ELP1: variants seen among roughly 807,000 people sequenced by gnomAD.
ELP1 encodes the protein elongator complex protein 1.
In ELP1, 131 loss-of-function variants were observed where a neutral mutation model predicts 183.2. That is an observed-to-expected ratio of 0.72 (90% CI 0.62 to 0.83). The LOEUF is 0.83. Among genes scored for constraint, ELP1 ranks in the 40% least tolerant of loss-of-function variants. The pLI is 0.00. For synonymous variants in ELP1, 555 were observed against 569.0 expected, an observed-to-expected ratio of 0.98 and a Z score of 0.35; for missense variants, 1,550 against 1,594.9, an observed-to-expected ratio of 0.97 and a Z score of 0.48.
rs746406398 is a variant in ELP1 at position 108,901,409 on chromosome 9, T to C, written c.2014+16A>G. ...TGGAGAAGGGACCATTTCTGTTTTA[T>C]ACATTGAAAACTTACTTTTAAATGA... On this transcript the variant is annotated intron_variant, in intron 18 of 36. Coordinates refer to ENST00000374647, the MANE Select transcript of ELP1 (RefSeq NM_003640.5). The C allele has an allele frequency of 6.5e-7, 1 of 1,540,598 alleles. No individual in the cohort carries two copies. The highest frequency in any genetic ancestry group is 9.0e-7 in the Non-Finnish European group (1 of 1,113,232).
Position 108,901,620 on chromosome 9 carries a change from CT to C in ELP1, c.1908+7del. ...AAAAGGATCCAACACCAAACCAAGC[CT>C]TGATACCTCAATGTCATTGATGAAA... On this transcript the variant is annotated splice_region_variant and intron_variant, in intron 17 of 36. Transcript: ENST00000374647. 1 of 1,614,066 alleles carries C rather than the reference CT, an allele frequency of 6.2e-7. No homozygotes were observed. The highest frequency in any genetic ancestry group is 8.5e-7 in the Non-Finnish European group (1 of 1,179,912).
At chr9:108,895,539 G>A (rs1237278720) in intron 25 of ELP1, among the ~76,000 whole-genome samples, 4 of 150,664 alleles carry the variant, frequency 2.7e-5, no homozygotes, top group African/African-American at 1.0e-4. Context: ...CATGGGCAGA[G>A]GAAAAAAAGA....
chr9:108,889,486 A>G, intron 28 of ELP1, 93 bp from the exon 29 acceptor site: 1 of 1,160,036 alleles, frequency 8.6e-7, no homozygotes, highest in Non-Finnish European at 1.3e-6. Flanking sequence ...GTATGAAACT[A>G]TGTACTTTCT....
At chr9:108,875,029 T>A in intron 35 of ELP1, 59 bp from the exon 36 acceptor site, 1 of 1,140,046 alleles carries the variant, frequency 8.8e-7, no homozygotes, top group Non-Finnish European at 1.3e-6. Flanking sequence ...AGACTGCCAA[T>A]ACCAAAGGCC....
intron 10 of ELP1, among the ~76,000 whole-genome samples, chr9:108,914,144 G>A (rs1201599426): frequency 3.3e-5 from 5 of 152,076 alleles, no homozygotes; most frequent in Non-Finnish European, 7.4e-5. Context: ...GCTCACGCCT[G>A]TAATCCCAGC....
chr9:108,904,243 C>CCA (rs1828934198), intron 14 of ELP1, among the ~76,000 whole-genome samples: 1 of 125,190 alleles, frequency 8.0e-6, no homozygotes, highest in African/African-American at 2.7e-5. Context: ...TAAAATTTCA[C>CCA]TATTTTTTTT....
Position 108,906,787 on chromosome 9 carries a change from C to T in ELP1, c.1461-302G>A, listed in dbSNP as rs188891476. The stretch of plus-strand genomic sequence containing the variant: ...AGCCCTAGTCCCTACACTAATGAAC[C>T]CCAGAGCTTTTCCACTGCCATGACT... On this transcript the variant is annotated intron_variant, in intron 13 of 36. Coordinates refer to ENST00000374647, the MANE Select transcript of ELP1 (RefSeq NM_003640.5). Among the ~76,000 whole-genome samples, 83 of 152,232 alleles carry T rather than the reference C, an allele frequency of 5.5e-4. 3 individuals carry two copies. The highest frequency in any genetic ancestry group is 1.9e-3 in the African/African-American group (80 of 41,530).
chr9:108,878,561 G>A (rs1445714863), intron 34 of ELP1, 62 bp downstream of exon 34: 21 of 1,606,598 alleles, frequency 1.3e-5, no homozygotes, highest in Non-Finnish European at 1.6e-5. Context: ...AACTCTGCCT[G>A]TCTGTACTGC....
Position 108,923,057 on chromosome 9 carries a change from A to T in ELP1, c.467-130T>A, listed in dbSNP as rs552701713. ...TCTAACGCCTCTCAATAAATTGACC[A>T]GCAGTCAATATTTGAGAAACCTATG... On this transcript the variant is annotated intron_variant, in intron 5 of 36. Transcript: ENST00000374647. The T allele has an allele frequency of 4.2e-5, 32 of 758,826 alleles. No homozygotes were observed. In the African/African-American group the frequency reaches 5.3e-4, roughly 12 times the overall value. 47.0% of individuals were successfully genotyped at this position (758,826 alleles called of 1,614,324 possible).
chr9:108,891,192 A>C lies in ELP1; in HGVS notation c.3160+11T>G. 6.2e-7 allele frequency: 1 copy of C among 1,613,496 alleles called. No homozygotes were observed. Among genetic ancestry groups the C allele is most frequent in the Non-Finnish European group, 8.5e-7 (1 of 1,179,374 alleles). Reference sequence around the variant, plus strand: ...CTTTGTAGATGTAAACATATAAATGATTGTACTTACCTGCCAGAGTTCTGC... The same window carrying C: ...CTTTGTAGATGTAAACATATAAATGCTTGTACTTACCTGCCAGAGTTCTGC... On this transcript the variant is annotated intron_variant, in intron 28 of 36. Transcript: ENST00000374647.
chr9:108,933,635 T>G (rs1054356872), intron 1 of ELP1, among the ~76,000 whole-genome samples: 1 of 152,234 alleles, frequency 6.6e-6, no homozygotes, highest in African/African-American at 2.4e-5. Context: ...CTGGGTTAAG[T>G]CCGGCTGGAG....
intron 3 of ELP1, 146 bp from the exon 4 acceptor site, chr9:108,927,599 GCT>G (rs1051280089): frequency 4.2e-6 from 3 of 715,410 alleles, no homozygotes; most frequent in African/African-American, 3.5e-5. Context: ...GTTTGTTGCA[GCT>G]CTGTTCACAA....
At position 108,874,883 on chromosome 9, in the gene ELP1, A is replaced by C. The variant is rs753943169; in HGVS notation, c.3931+12T>G. ...CTTAGTATTGTAATATTAAATGAGA[A>C]AAAATACTAACCAAGAACAGGAACC... On this transcript the variant is annotated intron_variant, in intron 36 of 36. Transcript: ENST00000374647. 1 of 1,566,826 alleles carries C rather than the reference A, an allele frequency of 6.4e-7. No homozygotes were observed. Among genetic ancestry groups the C allele is most frequent in the Admixed American group, 1.7e-5 (1 of 59,954 alleles).
chr9:108,882,087 T>C lies in ELP1; in HGVS notation c.3285+38A>G. ...GGAATCCCTTGCTTGCTCTCTCTGC[T>C]TAGCACCCAACATCCAGAGGATTTA... On this transcript the variant is annotated intron_variant, in intron 30 of 36. Coordinates refer to ENST00000374647, the MANE Select transcript of ELP1 (RefSeq NM_003640.5). 1.9e-6 allele frequency: 3 copies of C among 1,572,828 alleles called. 1 individual carries two copies. The South Asian group carries it at 3.3e-5, about 17-fold the overall frequency.
intron 33 of ELP1, 127 bp from the exon 34 acceptor site, chr9:108,878,877 A>C (rs1827804622): frequency 2.0e-6 from 2 of 980,338 alleles, no homozygotes; most frequent in African/African-American, 1.6e-5. Flanking sequence ...TCTCCATTTT[A>C]AATTCCTAAA....
intron 10 of ELP1, 23 bp downstream of exon 10, chr9:108,916,181 C>T: frequency 6.4e-7 from 1 of 1,572,550 alleles, no homozygotes; most frequent in African/African-American, 1.3e-5. Context: ...GGGCAGAAGG[C>T]TGGGGTACTA....
chr9:108,902,744 C>G, intron 16 of ELP1, 95 bp downstream of exon 16: 1 of 880,090 alleles, frequency 1.1e-6, no homozygotes, highest in Non-Finnish European at 1.9e-6. Context: ...TAGTGGAGAC[C>G]CAAGTCCACC....
chr9:108,921,421 A>G (rs1005399046), intron 6 of ELP1, among the ~76,000 whole-genome samples: 7 of 152,236 alleles, frequency 4.6e-5, no homozygotes, highest in Admixed American at 3.9e-4. Context: ...TACCCATGTC[A>G]TAACATGTAT....
At chr9:108,925,181 G>A (rs994120029) in intron 5 of ELP1, among the ~76,000 whole-genome samples, 2 of 151,880 alleles carry the variant, frequency 1.3e-5, no homozygotes, top group East Asian at 3.9e-4. Context: ...ACAAAAATAT[G>A]CCATCACGAG....
Sources: allele counts gnomAD v4.1 joint callset (sites outside exome capture counted in the v4.1 genomes callset), GRCh38; gene constraint gnomAD v4.1.1; transcripts MANE v1.5; gene names NCBI Gene and HGNC (gene_info 2026-07-23, HGNC 2026-07-21).